Variants in NTM observed in about 807,000 individuals in gnomAD.
NTM encodes the protein IgLON family member 2.
In NTM, 13 loss-of-function variants were observed where a neutral mutation model predicts 42.1. The observed-to-expected ratio is 0.31, with a 90% confidence interval of 0.20 to 0.49. The LOEUF is 0.49. Ranked by LOEUF, NTM falls within the 20% of genes least tolerant of loss-of-function variation. The probability of loss-of-function intolerance (pLI) is 0.99; values close to 1 mark genes in which losing one functional copy is unlikely to be tolerated. For missense variants in NTM, 373 were observed against 452.8 expected (o/e 0.82, Z 1.60); for synonymous variants, 187 against 179.2 (o/e 1.04, Z -0.35).
At chr11:132,318,813 T>G (rs1385352036) in intron 7 of NTM, among the ~76,000 whole-genome samples, 3 of 152,066 alleles carry the variant, frequency 2.0e-5, no homozygotes, top group Non-Finnish European at 2.9e-5. Flanking sequence ...CATTCTGGCC[T>G]TGCAAACTGT....
intron 1 of NTM, among the ~76,000 whole-genome samples, chr11:131,888,113 T>G (rs894076494): frequency 6.6e-6 from 1 of 152,018 alleles, no homozygotes; most frequent in Non-Finnish European, 1.5e-5. Context: ...CCAGCCTGAT[T>G]AATATGGTGA....
chr11:132,023,781 T>TTGGTGGTTTTGTTGTTGG (rs1308206244), intron 2 of NTM, among the ~76,000 whole-genome samples: 1 of 134,992 alleles, frequency 7.4e-6, no homozygotes, highest in African/African-American at 2.6e-5. Context: ...TTTGTTGTTG[T>TTGGTGGTTTTGTTGTTGG]TGGTGGTTTT....
At chr11:131,767,928 T>C (rs10894442) in intron 1 of NTM, among the ~76,000 whole-genome samples, 42,892 of 151,818 alleles carry the variant, frequency 0.28, 6,551 homozygotes, top group East Asian at 0.41. Context: ...ATAGGACCAA[T>C]GGGATGGGGA....
At chr11:132,110,531 C>T (rs1183837476) in intron 2 of NTM, among the ~76,000 whole-genome samples, 5 of 152,160 alleles carry the variant, frequency 3.3e-5, no homozygotes, top group African/African-American at 1.2e-4. Flanking sequence ...GGCTGAAGGG[C>T]TTCACTGCAA....
chr11:131,878,594 A>AATATATATATATAT (rs201069325), intron 1 of NTM, among the ~76,000 whole-genome samples: 2 of 19,362 alleles, frequency 1.0e-4, no homozygotes, highest in Non-Finnish European at 2.0e-4. Context: ...AAAAAAAAAA[A>AATATATATATATAT]ATATATATAT....
At chr11:131,614,091 T>C (rs895385290) in intron 1 of NTM, among the ~76,000 whole-genome samples, 1 of 152,194 alleles carries the variant, frequency 6.6e-6, no homozygotes, top group Non-Finnish European at 1.5e-5. Flanking sequence ...GCCCAGGACT[T>C]GCAAGGTTCA....
chr11:132,254,209 G>A (rs2092269116), intron 4 of NTM, among the ~76,000 whole-genome samples: 1 of 152,084 alleles, frequency 6.6e-6, no homozygotes, highest in Admixed American at 6.5e-5. Context: ...CACCCGGCTA[G>A]AGACAGACCT....
chr11:131,788,395 A>G (rs1203061486), intron 1 of NTM, among the ~76,000 whole-genome samples: 1 of 152,004 alleles, frequency 6.6e-6, no homozygotes, highest in African/African-American at 2.4e-5. Context: ...TTTATACCTA[A>G]TACATCTTAA....
intron 1 of NTM, among the ~76,000 whole-genome samples, chr11:131,419,566 A>C (rs1388782870): frequency 6.6e-6 from 1 of 152,280 alleles, no homozygotes; most frequent in Middle Eastern, 3.4e-3. Flanking sequence ...GGAATAGCTC[A>C]GCATGTTTCA....
At chr11:132,285,546 C>T (rs545812127) in intron 4 of NTM, among the ~76,000 whole-genome samples, 1 of 152,136 alleles carries the variant, frequency 6.6e-6, no homozygotes, top group Non-Finnish European at 1.5e-5. Context: ...TCAGGAGCAC[C>T]CAGATTGGGG....
At chr11:131,577,006 A>G (rs893088800) in intron 1 of NTM, among the ~76,000 whole-genome samples, 9 of 152,370 alleles carry the variant, frequency 5.9e-5, no homozygotes, top group African/African-American at 1.9e-4. Context: ...GGATACTAAG[A>G]TAAAGTCATG....
chr11:131,575,473 C>T (rs2057840267), intron 1 of NTM, among the ~76,000 whole-genome samples: 1 of 151,992 alleles, frequency 6.6e-6, no homozygotes, highest in South Asian at 2.1e-4. Context: ...CTGCTCTTTC[C>T]AATAGGACAT....
intron 1 of NTM, among the ~76,000 whole-genome samples, chr11:131,776,133 C>G (rs189839682): frequency 6.6e-6 from 1 of 152,272 alleles, no homozygotes; most frequent in African/African-American, 2.4e-5. Flanking sequence ...TGTGGAAGCT[C>G]CACTCTTAAT....
intron 1 of NTM, among the ~76,000 whole-genome samples, chr11:131,651,784 T>C (rs1229448910): frequency 1.3e-5 from 2 of 151,818 alleles, no homozygotes; most frequent in African/African-American, 4.8e-5. Flanking sequence ...GAGGCTGCAG[T>C]GAGCTGAGAT....
At chr11:132,011,177 A>G (rs950325737) in intron 2 of NTM, among the ~76,000 whole-genome samples, 5 of 152,048 alleles carry the variant, frequency 3.3e-5, no homozygotes, top group Non-Finnish European at 4.4e-5. Context: ...TGAAGAACTG[A>G]ATAAAGTCAC....
intron 3 of NTM, among the ~76,000 whole-genome samples, chr11:132,203,937 CT>C (rs2081550216): frequency 6.6e-6 from 1 of 151,860 alleles, no homozygotes; most frequent in Non-Finnish European, 1.5e-5. Flanking sequence ...AAAAAAAACA[CT>C]GCAATTTTCA....
chr11:131,615,635 G>T (rs2061854275), intron 1 of NTM, among the ~76,000 whole-genome samples: 1 of 152,302 alleles, frequency 6.6e-6, no homozygotes, highest in South Asian at 2.1e-4. Flanking sequence ...CTCCCGAAGT[G>T]CTGGGATCAC....
chr11:132,217,358 C>CTGTGTGTGTGTG (rs375759515), intron 4 of NTM, among the ~76,000 whole-genome samples: 19 of 142,734 alleles, frequency 1.3e-4, no homozygotes, highest in Admixed American at 5.6e-4. Flanking sequence ...CTCTCTCTTT[C>CTGTGTGTGTGTG]TGTGTGTGTG....
chr11:131,989,186 C>T (rs1565893548), intron 2 of NTM, among the ~76,000 whole-genome samples: 3 of 152,102 alleles, frequency 2.0e-5, no homozygotes, highest in Admixed American at 1.3e-4. Flanking sequence ...GTTATTATGT[C>T]TCATGTTATC....
Sources: gnomAD v4.1 joint callset for allele counts (sites outside exome capture counted in the v4.1 genomes callset) on GRCh38, gnomAD v4.1.1 for gene constraint, MANE v1.5 for transcripts, NCBI Gene and HGNC (gene_info 2026-07-23, HGNC 2026-07-21) for gene names.